KHDRBS2: variants seen among roughly 807,000 people sequenced by gnomAD.
KHDRBS2 encodes the protein KH RNA binding domain containing, signal transduction associated 2.
KHDRBS2 carries 26 observed loss-of-function variants against 44.3 expected under a neutral mutation model. That is an observed-to-expected ratio of 0.59 (90% CI 0.43 to 0.81). KHDRBS2 has a LOEUF of 0.81. Ranked by LOEUF, KHDRBS2 falls within the 40% of genes least tolerant of loss-of-function variation. KHDRBS2 has a pLI of 0.00. For missense variants in KHDRBS2, 476 were observed against 433.1 expected, an observed-to-expected ratio of 1.10 and a Z score of -0.88; for synonymous variants, 194 against 151.1, an observed-to-expected ratio of 1.28 and a Z score of -2.08.
chr6:62,261,078 C>G (rs9294829), intron 1 of KHDRBS2, among the ~76,000 whole-genome samples: 25,993 of 151,648 alleles, frequency 0.17, 2,486 homozygotes, highest in African/African-American at 0.26. Flanking sequence ...ATAATGACAG[C>G]TTTTAATGTG....
intron 1 of KHDRBS2, among the ~76,000 whole-genome samples, chr6:62,185,863 T>C (rs1157540478): frequency 2.6e-5 from 4 of 152,034 alleles, no homozygotes; most frequent in African/African-American, 9.7e-5. Context: ...AATTTCACTC[T>C]TTATAAACTC....
At chr6:61,882,350 A>T (rs1280131748) in intron 6 of KHDRBS2, among the ~76,000 whole-genome samples, 1 of 152,034 alleles carries the variant, frequency 6.6e-6, no homozygotes, top group East Asian at 1.9e-4. Context: ...ACGGGTGTTT[A>T]TAAGTCAGAG....
At chr6:61,852,653 T>C (rs1193586232) in intron 6 of KHDRBS2, among the ~76,000 whole-genome samples, 1 of 152,204 alleles carries the variant, frequency 6.6e-6, no homozygotes, top group South Asian at 2.1e-4. Flanking sequence ...CTGTTGACAG[T>C]CTTTTTTGTT....
intron 3 of KHDRBS2, among the ~76,000 whole-genome samples, chr6:62,045,111 G>C (rs547189653): frequency 6.6e-6 from 1 of 152,114 alleles, no homozygotes; most frequent in African/African-American, 2.4e-5. Context: ...ACCAAGTCTG[G>C]GCTTGGAGGT....
intron 1 of KHDRBS2, among the ~76,000 whole-genome samples, chr6:62,187,790 G>A (rs526759): frequency 0.8 from 121,188 of 151,984 alleles, 48,923 homozygotes; most frequent in African/African-American, 0.92. Context: ...AGTACACAAT[G>A]CTGTATTGTT....
At chr6:62,225,846 G>A (rs904424803) in intron 1 of KHDRBS2, among the ~76,000 whole-genome samples, 1 of 152,062 alleles carries the variant, frequency 6.6e-6, no homozygotes, top group Non-Finnish European at 1.5e-5. Flanking sequence ...CTTCATACAT[G>A]TCCCTACAAA....
chr6:62,051,631 T>C (rs1016140586), intron 2 of KHDRBS2, among the ~76,000 whole-genome samples: 1 of 151,798 alleles, frequency 6.6e-6, no homozygotes, highest in African/African-American at 2.4e-5. Context: ...CAAAAACAAA[T>C]AAACGGGACT....
At chr6:61,793,666 T>C (rs1182817072) in intron 6 of KHDRBS2, among the ~76,000 whole-genome samples, 3 of 152,084 alleles carry the variant, frequency 2.0e-5, no homozygotes, top group African/African-American at 7.2e-5. Context: ...CTGCATATCT[T>C]TCAATATGTT....
At chr6:62,006,288 C>A (rs1417758332) in intron 3 of KHDRBS2, among the ~76,000 whole-genome samples, 1 of 151,936 alleles carries the variant, frequency 6.6e-6, no homozygotes, top group Admixed American at 6.6e-5. Flanking sequence ...ATTTGAAATT[C>A]TGAGAGTAAA....
chr6:61,660,889 C>A, the KHDRBS2 span, among the ~76,000 whole-genome samples: 1 of 151,832 alleles, frequency 6.6e-6, no homozygotes, highest in Non-Finnish European at 1.5e-5. Flanking sequence ...TCCACAGAAA[C>A]TTTTTGTCCC....
At chr6:62,049,237 T>C (rs565971104) in intron 2 of KHDRBS2, among the ~76,000 whole-genome samples, 1 of 151,780 alleles carries the variant, frequency 6.6e-6, no homozygotes, top group East Asian at 1.9e-4. Context: ...GCAACCAAAT[T>C]TGAAAAGTAA....
chr6:62,241,491 A>C (rs1421847303), intron 1 of KHDRBS2, among the ~76,000 whole-genome samples: 1 of 151,842 alleles, frequency 6.6e-6, no homozygotes, highest in African/African-American at 2.4e-5. Flanking sequence ...GAAAAAATAC[A>C]TTTACAAGTG....
intron 4 of KHDRBS2, among the ~76,000 whole-genome samples, chr6:61,958,876 A>C (rs9445697): frequency 0.34 from 52,016 of 151,926 alleles, 9,061 homozygotes; most frequent in Middle Eastern, 0.4. Context: ...TACATCAAAC[A>C]AGCCTGACAT....
intron 1 of KHDRBS2, among the ~76,000 whole-genome samples, chr6:62,253,290 A>G (rs1219321678): frequency 6.6e-6 from 1 of 151,964 alleles, no homozygotes; most frequent in Non-Finnish European, 1.5e-5. Flanking sequence ...TTTGCTTTGT[A>G]TATGTTTATA....
chr6:62,003,492 T>C (rs2019574), intron 3 of KHDRBS2, among the ~76,000 whole-genome samples: 3 of 151,588 alleles, frequency 2.0e-5, no homozygotes, highest in Non-Finnish European at 4.4e-5. Flanking sequence ...ATGCTCCCAA[T>C]ATAGGAGCAC....
the KHDRBS2 span, among the ~76,000 whole-genome samples, chr6:61,573,318 A>G: frequency 1.3e-5 from 2 of 152,230 alleles, no homozygotes; most frequent in Non-Finnish European, 2.9e-5. Flanking sequence ...GAAAGCATAA[A>G]TGACACAAAC....
intron 2 of KHDRBS2, among the ~76,000 whole-genome samples, chr6:62,113,134 C>G (rs1404421162): frequency 1.3e-5 from 2 of 152,076 alleles, no homozygotes; most frequent in Non-Finnish European, 2.9e-5. Flanking sequence ...GGAACTGTGT[C>G]ACTATAAGAG....
chr6:61,771,605 G>T (rs997649392), intron 6 of KHDRBS2, among the ~76,000 whole-genome samples: 7 of 152,182 alleles, frequency 4.6e-5, no homozygotes, highest in African/African-American at 1.4e-4. Context: ...ATTACATAAT[G>T]GTAAAGGGAT....
intron 2 of KHDRBS2, among the ~76,000 whole-genome samples, chr6:62,085,537 A>T (rs183772438): frequency 6.6e-6 from 1 of 152,306 alleles, no homozygotes; most frequent in Admixed American, 6.5e-5. Flanking sequence ...ATATGCCACA[A>T]AAATGACTGC....
Sources: allele counts gnomAD v4.1 joint callset (sites outside exome capture counted in the v4.1 genomes callset), GRCh38; gene constraint gnomAD v4.1.1; transcripts MANE v1.5; gene names NCBI Gene and HGNC (gene_info 2026-07-23, HGNC 2026-07-21).